The following ARB2A variants were observed in gnomAD, a reference collection of about 807,000 sequenced individuals.
ARB2A encodes the protein ARB2 cotranscriptional regulator A.
chr5:94,058,807 T>A, the ARB2A span, among the ~76,000 whole-genome samples: 1 of 152,164 alleles, frequency 6.6e-6, no homozygotes, highest in Non-Finnish European at 1.5e-5. Context: ...CCAAATCTCA[T>A]GTTGAAATGT....
chr5:93,999,914 G>A, the ARB2A span, among the ~76,000 whole-genome samples: 3 of 151,962 alleles, frequency 2.0e-5, no homozygotes, highest in African/African-American at 7.3e-5. Flanking sequence ...CATACAGTAG[G>A]TAGCCTGTTC....
chr5:94,026,658 T>C, the ARB2A span, among the ~76,000 whole-genome samples: 1 of 152,122 alleles, frequency 6.6e-6, no homozygotes, highest in Non-Finnish European at 1.5e-5. Flanking sequence ...AGGGTGGGGA[T>C]CAATCAGAGT....
chr5:94,051,779 A>G, the ARB2A span, among the ~76,000 whole-genome samples: 1 of 152,308 alleles, frequency 6.6e-6, no homozygotes, highest in Non-Finnish European at 1.5e-5. Flanking sequence ...TTCTATAGAA[A>G]AGGACTCTCC....
chr5:93,912,127 GTCAGAGGATTAATTGATGAATTT>G, the ARB2A span, among the ~76,000 whole-genome samples: 7 of 151,622 alleles, frequency 4.6e-5, no homozygotes, highest in African/African-American at 9.7e-5. Flanking sequence ...TATCGTTATT[GTCAGAGGATTAATTGATGAATTT>G]TTCATTTGAT....
the ARB2A span, among the ~76,000 whole-genome samples, chr5:93,970,990 A>G: frequency 6.6e-6 from 1 of 151,998 alleles, no homozygotes; most frequent in Non-Finnish European, 1.5e-5. Flanking sequence ...TATTTTGAAG[A>G]TAAACTTTCG....
chr5:93,942,740 A>C, the ARB2A span, among the ~76,000 whole-genome samples: 2 of 151,950 alleles, frequency 1.3e-5, no homozygotes, highest in Non-Finnish European at 2.9e-5. Flanking sequence ...AATAAAACAA[A>C]AATAAAGAGA....
chr5:93,892,433 TTTCACTTTTAA>T, the ARB2A span, among the ~76,000 whole-genome samples: 2 of 152,180 alleles, frequency 1.3e-5, no homozygotes, highest in African/African-American at 4.8e-5. Context: ...AAAACTACAA[TTTCACTTTTAA>T]TTCACTTGCA....
chr5:93,689,717 A>G, the ARB2A span, among the ~76,000 whole-genome samples: 3 of 150,638 alleles, frequency 2.0e-5, no homozygotes, highest in African/African-American at 7.3e-5. Context: ...TTTGAGACGG[A>G]GTTTCGCTCT....
the ARB2A span, among the ~76,000 whole-genome samples, chr5:93,924,496 A>G: frequency 6.6e-6 from 1 of 152,186 alleles, no homozygotes; most frequent in African/African-American, 2.4e-5. Context: ...GAGAGTGCCA[A>G]TTTGTAACCA....
the ARB2A span, among the ~76,000 whole-genome samples, chr5:93,819,870 C>A: frequency 6.6e-6 from 1 of 152,224 alleles, no homozygotes; most frequent in African/African-American, 2.4e-5. Context: ...GGGAGCCCAG[C>A]ATGGAACAAT....
At chr5:93,773,861 A>G in the ARB2A span, among the ~76,000 whole-genome samples, 1 of 152,186 alleles carries the variant, frequency 6.6e-6, no homozygotes, top group Non-Finnish European at 1.5e-5. Context: ...TTGAACTCTT[A>G]GGCCCACGTG....
the ARB2A span, among the ~76,000 whole-genome samples, chr5:93,726,284 A>G: frequency 1.3e-5 from 2 of 152,016 alleles, no homozygotes; most frequent in African/African-American, 2.4e-5. Context: ...CTTCAACTCC[A>G]TATAGTCTTC....
At chr5:94,098,329 A>T in the ARB2A span, among the ~76,000 whole-genome samples, 1 of 152,196 alleles carries the variant, frequency 6.6e-6, no homozygotes, top group Admixed American at 6.5e-5. Context: ...ACACAATGAA[A>T]ATCGCTCAAA....
At chr5:93,845,829 T>C in the ARB2A span, among the ~76,000 whole-genome samples, 1 of 152,142 alleles carries the variant, frequency 6.6e-6, no homozygotes, top group East Asian at 1.9e-4. Context: ...GACAAAATGG[T>C]ATAGTCAGAA....
At chr5:93,987,011 T>C in the ARB2A span, among the ~76,000 whole-genome samples, 1 of 151,826 alleles carries the variant, frequency 6.6e-6, no homozygotes, top group African/African-American at 2.4e-5. Flanking sequence ...GAATGATCAA[T>C]AAATACTAAA....
chr5:94,080,099 T>C, the ARB2A span, among the ~76,000 whole-genome samples: 3 of 152,110 alleles, frequency 2.0e-5, no homozygotes, highest in African/African-American at 7.2e-5. Flanking sequence ...GTTTTCATAA[T>C]ATGTAGCAGA....
At chr5:93,864,061 A>G in the ARB2A span, among the ~76,000 whole-genome samples, 1 of 152,176 alleles carries the variant, frequency 6.6e-6, no homozygotes, top group Non-Finnish European at 1.5e-5. Flanking sequence ...CTACCTAACA[A>G]ATGTCAATAG....
chr5:94,088,288 C>A, the ARB2A span, among the ~76,000 whole-genome samples: 1 of 152,230 alleles, frequency 6.6e-6, no homozygotes, highest in East Asian at 1.9e-4. Flanking sequence ...ACCTCAGAAA[C>A]TTTTACATCC....
the ARB2A span, among the ~76,000 whole-genome samples, chr5:93,963,437 T>G: frequency 4.6e-5 from 7 of 151,946 alleles, no homozygotes; most frequent in Non-Finnish European, 1.0e-4. Flanking sequence ...TAAATAAATA[T>G]ATGTTGAATA....
Sources: allele counts gnomAD v4.1 joint callset (sites outside exome capture counted in the v4.1 genomes callset), GRCh38; gene constraint gnomAD v4.1.1; transcripts MANE v1.5; gene names NCBI Gene and HGNC (gene_info 2026-07-23, HGNC 2026-07-21).